Variants in TNS3 observed in about 807,000 individuals in gnomAD.
TNS3 encodes tensin 3.
In TNS3, 45 loss-of-function variants were observed where a neutral mutation model predicts 140.9. That is an observed-to-expected ratio of 0.32 (90% confidence interval 0.25 to 0.41). The LOEUF is 0.41. TNS3 is among the 10% of genes least tolerant of loss of function. The pLI, the probability that TNS3 is intolerant of heterozygous loss-of-function variation, is 1.00. For synonymous variants in TNS3, 815 were observed against 788.4 expected, an observed-to-expected ratio of 1.03 and a Z score of -0.56; for missense variants, 1,716 against 1,906.7, an observed-to-expected ratio of 0.90 and a Z score of 1.86.
intron 4 of TNS3, among the ~76,000 whole-genome samples, chr7:47,476,580 T>C (rs1797202424): frequency 6.6e-6 from 1 of 152,236 alleles, no homozygotes; most frequent in Non-Finnish European, 1.5e-5. Context: ...AATGAGGCTA[T>C]GCTGCAATAG....
chr7:47,511,731 T>G (rs1221037228), intron 2 of TNS3, among the ~76,000 whole-genome samples: 2 of 152,124 alleles, frequency 1.3e-5, no homozygotes, highest in Non-Finnish European at 2.9e-5. Flanking sequence ...TTCCCACTCC[T>G]GTAAACGAAG....
chr7:47,356,313 A>G (rs2151062451), intron 17 of TNS3, among the ~76,000 whole-genome samples: 1 of 152,334 alleles, frequency 6.6e-6, no homozygotes, highest in South Asian at 2.1e-4. Flanking sequence ...AGGTGTCAGT[A>G]TTTTTAAAAA....
chr7:47,479,078 T>C (rs1467849885), intron 4 of TNS3, among the ~76,000 whole-genome samples: 1 of 152,134 alleles, frequency 6.6e-6, no homozygotes, highest in Admixed American at 6.5e-5. Context: ...AGGGCTGTGC[T>C]CCAGGAGACT....
intron 24 of TNS3, among the ~76,000 whole-genome samples, chr7:47,296,361 T>G (rs1276308105): frequency 6.6e-6 from 1 of 151,906 alleles, no homozygotes; most frequent in Non-Finnish European, 1.5e-5. Context: ...TTGGTGAGAG[T>G]GTAAAATAGT....
At chr7:47,572,846 G>C (rs562044477) in intron 1 of TNS3, among the ~76,000 whole-genome samples, 1 of 151,166 alleles carries the variant, frequency 6.6e-6, no homozygotes, top group Non-Finnish European at 1.5e-5. Context: ...GCGACAGAAC[G>C]AGACTCCGTC....
intron 9 of TNS3, among the ~76,000 whole-genome samples, chr7:47,424,889 G>A (rs1231765581): frequency 2.6e-5 from 4 of 152,328 alleles, no homozygotes; most frequent in Middle Eastern, 3.4e-3. Flanking sequence ...GTGCCCACAG[G>A]AAGTGTCTGA....
At chr7:47,503,087 C>T (rs1427226793) in intron 3 of TNS3, among the ~76,000 whole-genome samples, 2 of 152,112 alleles carry the variant, frequency 1.3e-5, no homozygotes, top group African/African-American at 2.4e-5. Flanking sequence ...TGCGCATGTT[C>T]CCCTCACTAA....
intron 28 of TNS3, 28 bp downstream of exon 28, chr7:47,283,669 C>T (rs180841450): frequency 2.2e-5 from 33 of 1,511,694 alleles, no homozygotes; most frequent in South Asian, 1.3e-4. Flanking sequence ...CCCTGCTGGA[C>T]GGCTCCTGCC....
Position 47,304,898 on chromosome 7 carries a change from G to C in TNS3, c.2756C>G (p.Ser919Cys), listed in dbSNP as rs1219431048. The C allele has an allele frequency of 2.1e-6, 3 of 1,424,398 alleles. No homozygotes were observed. The highest frequency in any genetic ancestry group is 1.9e-6 in the Non-Finnish European group (2 of 1,076,202). The allele number at this position is 1,424,398 out of a possible 1,614,324, so 88.2% of individuals were successfully genotyped here. A position where few individuals can be genotyped will look rare whatever the true frequency, so the allele number is the denominator to read the frequency against. ...MLRADASSTP[S>C]FQQAFASSCT... The stretch of plus-strand genomic sequence containing the variant: ...GGAAGAAGCAAAAGCCTGCTGAAAG[G>C]AGGGCGTCGAGGACGCATCAGCCCG... The change falls in exon 21 of 31, where the codon TCC (serine) becomes TGC (cysteine). Residue 919 changes from serine to cysteine, a missense_variant. Transcript: ENST00000311160.
chr7:47,312,242 C>T (rs1787147012), intron 20 of TNS3, among the ~76,000 whole-genome samples: 1 of 152,114 alleles, frequency 6.6e-6, no homozygotes, highest in African/African-American at 2.4e-5. Flanking sequence ...CAGGAAATGT[C>T]CTAAAATAAG....
intron 20 of TNS3, among the ~76,000 whole-genome samples, chr7:47,344,440 G>T (rs1239966391): frequency 6.6e-6 from 1 of 152,130 alleles, no homozygotes; most frequent in African/African-American, 2.4e-5. Flanking sequence ...GTGTGGGGTG[G>T]GCATTCTCGT....
chr7:47,369,315 A>C lies in TNS3; in HGVS notation c.1331T>G (p.Met444Arg), dbSNP rs761266884. 3.7e-6 allele frequency: 6 copies of C among 1,614,090 alleles called. No individual in the cohort carries two copies. In the East Asian group the frequency reaches 1.3e-4, roughly 36 times the overall value. Residue 444 changes from methionine to arginine, a missense_variant, in exon 17 of 31, where the codon ATG becomes AGG. Physicochemically the swap from Met to Arg is moderately conservative, Grantham distance 91. This residue lies in a region of TNS3 where 1,163 missense variants were observed against 1,182.1 expected (regional missense o/e 0.98). Coordinates refer to ENST00000311160, the MANE Select transcript of TNS3 (RefSeq NM_022748.12). ...ACTGTACTTGCTTCGAGCATCAGTC[A>C]TTTCCTTGAGGGAGCTTCCAGGATC... Reference protein sequence around the residue: ...LEDPGSSLKEMTDARSKYSGT... With the variant: ...LEDPGSSLKERTDARSKYSGT...
At chr7:47,358,100 A>AC (rs1181492288) in intron 17 of TNS3, among the ~76,000 whole-genome samples, 11 of 149,750 alleles carry the variant, frequency 7.3e-5, no homozygotes, top group Admixed American at 3.3e-4. Flanking sequence ...TTTTTGGATC[A>AC]CCCCCCATCA....
intron 4 of TNS3, among the ~76,000 whole-genome samples, chr7:47,460,106 G>A (rs372811170): frequency 2.0e-5 from 3 of 151,774 alleles, no homozygotes; most frequent in East Asian, 1.9e-4. Context: ...CCAGCTACTC[G>A]GGAGGCTGAG....
chr7:47,355,319 A>G (rs1484198558), intron 17 of TNS3, among the ~76,000 whole-genome samples: 1 of 152,186 alleles, frequency 6.6e-6, no homozygotes, highest in Non-Finnish European at 1.5e-5. Flanking sequence ...GCATCCTATG[A>G]CGTACCTTAT....
intron 13 of TNS3, among the ~76,000 whole-genome samples, chr7:47,402,800 A>C (rs1793232599): frequency 1.3e-5 from 2 of 152,220 alleles, no homozygotes; most frequent in African/African-American, 4.8e-5. Flanking sequence ...GGAAGGGAAA[A>C]GGAAAAGAGA....
intron 17 of TNS3, among the ~76,000 whole-genome samples, chr7:47,360,881 C>T (rs946329946): frequency 6.6e-6 from 1 of 152,136 alleles, no homozygotes; most frequent in Non-Finnish European, 1.5e-5. Context: ...AATAACGACA[C>T]CTGGACTTTT....
Position 47,277,619 on chromosome 7 carries a change from A to C in TNS3, c.*457T>G. 4.2e-6 allele frequency: 1 copy of C among 235,746 alleles called. No homozygotes were observed. Among genetic ancestry groups the C allele is most frequent in the South Asian group, 5.8e-5 (1 of 17,360 alleles). 14.6% of individuals were successfully genotyped at this position (235,746 alleles called of 1,614,324 possible). The stretch of plus-strand genomic sequence containing the variant: ...CATCTTGGGAAGACCGAGGTGAGGG[A>C]AACCCCCGGCCTCGGGTGCAGCTGG... On this transcript the variant is annotated 3_prime_UTR_variant, in exon 31 of 31. Coordinates refer to ENST00000311160, the MANE Select transcript of TNS3 (RefSeq NM_022748.12).
intron 4 of TNS3, among the ~76,000 whole-genome samples, chr7:47,478,790 G>C (rs577465774): frequency 1.1e-4 from 16 of 151,838 alleles, no homozygotes; most frequent in African/African-American, 3.6e-4. Flanking sequence ...ATTTGTGTGC[G>C]TATAACAATT....
Sources: gnomAD v4.1 joint callset for allele counts (sites outside exome capture counted in the v4.1 genomes callset) on GRCh38, gnomAD v4.1.1 for gene constraint, gnomAD v4.1.1 regional missense constraint, MANE v1.5 for transcripts, NCBI Gene and HGNC (gene_info 2026-07-23, HGNC 2026-07-21) for gene names.